COL24A1: variants seen among roughly 807,000 people sequenced by gnomAD.
COL24A1 encodes collagen type XXIV alpha 1 chain.
A neutral mutation model predicts 253.9 loss-of-function variants in COL24A1; 224 were observed. The ratio of observed to expected loss-of-function variants is 0.88; its 90% CI spans 0.79 to 0.99. The LOEUF (loss-of-function observed/expected upper bound fraction) is 0.99. COL24A1 is among the 50% of genes least tolerant of loss of function. COL24A1 has a pLI of 0.00. For synonymous variants in COL24A1, 685 were observed against 673.7 expected (o/e 1.02, Z -0.26); for missense variants, 2,131 against 2,068.5 (o/e 1.03, Z -0.59).
chr1:85,790,351 T>C (rs1448921491), intron 47 of COL24A1, among the ~76,000 whole-genome samples: 1 of 152,220 alleles, frequency 6.6e-6, no homozygotes, highest in Non-Finnish European at 1.5e-5. Context: ...GAGGTGTTTA[T>C]AGTATTCTCT....
intron 56 of COL24A1, 111 bp from the exon 57 acceptor site, chr1:85,744,945 G>A: frequency 1.3e-6 from 1 of 742,264 alleles, no homozygotes; most frequent in Non-Finnish European, 2.2e-6. Flanking sequence ...TGAGTAGAAT[G>A]TAAAGAACAG....
At chr1:86,060,794 A>C (rs1243101290) in intron 8 of COL24A1, among the ~76,000 whole-genome samples, 1 of 152,106 alleles carries the variant, frequency 6.6e-6, no homozygotes, top group East Asian at 1.9e-4. Context: ...TCTGAGGATT[A>C]CAGAAGAAAT....
chr1:85,905,852 T>C (rs1684765744), intron 28 of COL24A1, among the ~76,000 whole-genome samples: 1 of 152,090 alleles, frequency 6.6e-6, no homozygotes, highest in African/African-American at 2.4e-5. Flanking sequence ...AATTACTTAA[T>C]TAACAAAAGG....
At chr1:85,871,573 T>C (rs572819383) in intron 35 of COL24A1, among the ~76,000 whole-genome samples, 1 of 152,302 alleles carries the variant, frequency 6.6e-6, no homozygotes, top group South Asian at 2.1e-4. Flanking sequence ...ATCTAGCATA[T>C]AAACAGAACC....
intron 47 of COL24A1, among the ~76,000 whole-genome samples, chr1:85,815,080 C>T (rs1426459189): frequency 6.6e-6 from 1 of 152,254 alleles, no homozygotes; most frequent in East Asian, 1.9e-4. Context: ...ATGATTATAC[C>T]TGTGTATAGC....
chr1:85,832,691 G>A (rs1490061357), intron 43 of COL24A1, among the ~76,000 whole-genome samples: 1 of 151,116 alleles, frequency 6.6e-6, no homozygotes, highest in Non-Finnish European at 1.5e-5. Context: ...TGAAGCAATT[G>A]TGAATGGGAG....
chr1:85,809,102 T>C (rs546543242), intron 47 of COL24A1, among the ~76,000 whole-genome samples: 1 of 152,180 alleles, frequency 6.6e-6, no homozygotes, highest in Non-Finnish European at 1.5e-5. Context: ...TGATGTTATC[T>C]ATAGAAGCAA....
At chr1:86,089,648 G>A (rs1016415247) in intron 6 of COL24A1, among the ~76,000 whole-genome samples, 6 of 152,096 alleles carry the variant, frequency 3.9e-5, no homozygotes, top group South Asian at 2.1e-4. Context: ...GGTGAAACCC[G>A]TCTCTACTAA....
chr1:85,996,790 C>T (rs967879318), intron 19 of COL24A1, among the ~76,000 whole-genome samples: 2 of 151,970 alleles, frequency 1.3e-5, no homozygotes, highest in Admixed American at 1.3e-4. Flanking sequence ...AATGTATATT[C>T]TGGAGACTGT....
Position 86,022,936 on chromosome 1 carries a change from A to G in COL24A1, c.2103+18T>C, listed in dbSNP as rs1697685984. ...GACAGATTAAAGGGAAATATCCATTATACAAATAGAACCATACCATTGGGC... is the reference window on the plus strand; with the variant it reads ...GACAGATTAAAGGGAAATATCCATTGTACAAATAGAACCATACCATTGGGC... On this transcript the variant is annotated intron_variant, in intron 15 of 59. Coordinates refer to ENST00000370571, the MANE Select transcript of COL24A1 (RefSeq NM_152890.7). The G allele has an allele frequency of 1.2e-6, 2 of 1,613,118 alleles. No individual in the cohort carries two copies. Among genetic ancestry groups the G allele is most frequent in the Non-Finnish European group, 1.7e-6 (2 of 1,179,394 alleles).
intron 2 of COL24A1, among the ~76,000 whole-genome samples, chr1:86,128,668 T>C (rs1286092095): frequency 6.6e-6 from 1 of 151,990 alleles, no homozygotes; most frequent in Non-Finnish European, 1.5e-5. Context: ...GTGTTTTCAA[T>C]GTTTCTTTAT....
chr1:86,147,529 C>T (rs79449357), intron 1 of COL24A1, among the ~76,000 whole-genome samples: 1 of 152,108 alleles, frequency 6.6e-6, no homozygotes, highest in African/African-American at 2.4e-5. Context: ...CTAATGAGGC[C>T]TATGAAACAT....
chr1:86,003,541 T>C (rs1695637088), intron 19 of COL24A1, among the ~76,000 whole-genome samples: 1 of 152,128 alleles, frequency 6.6e-6, no homozygotes. Context: ...GCTTGATTTA[T>C]GGTTGGGTCA....
At chr1:86,137,894 T>G (rs1162789608) in intron 2 of COL24A1, among the ~76,000 whole-genome samples, 1 of 152,190 alleles carries the variant, frequency 6.6e-6, no homozygotes, top group Non-Finnish European at 1.5e-5. Context: ...GAACAATCTT[T>G]TCATAGTGTA....
chr1:85,871,185 C>G (rs1373240284), intron 35 of COL24A1, among the ~76,000 whole-genome samples: 1 of 152,032 alleles, frequency 6.6e-6, no homozygotes, highest in Admixed American at 6.6e-5. Flanking sequence ...ATAATAGGCT[C>G]TAAATTGAGT....
chr1:86,088,695 G>T (rs1405447742), intron 7 of COL24A1, among the ~76,000 whole-genome samples: 1 of 152,034 alleles, frequency 6.6e-6, no homozygotes, highest in Non-Finnish European at 1.5e-5. Flanking sequence ...TCAAGACAGA[G>T]ATTATTATTT....
At chr1:85,959,867 C>A (rs1325834679) in intron 24 of COL24A1, among the ~76,000 whole-genome samples, 1 of 152,068 alleles carries the variant, frequency 6.6e-6, no homozygotes, top group Non-Finnish European at 1.5e-5. Context: ...ACTTCGGATG[C>A]CAACTTTATA....
intron 32 of COL24A1, among the ~76,000 whole-genome samples, chr1:85,885,397 A>ATATTTTT (rs60994639): frequency 1.6e-5 from 2 of 128,900 alleles, no homozygotes; most frequent in African/African-American, 5.8e-5. Flanking sequence ...ATATATATAT[A>ATATTTTT]TTTTTTTTTT....
intron 43 of COL24A1, among the ~76,000 whole-genome samples, chr1:85,827,052 G>T (rs1336139638): frequency 6.6e-6 from 1 of 151,954 alleles, no homozygotes; most frequent in East Asian, 1.9e-4. Flanking sequence ...GTATGATATT[G>T]GCTGTGGGTT....
Sources: allele counts gnomAD v4.1 joint callset (sites outside exome capture counted in the v4.1 genomes callset), GRCh38; gene constraint gnomAD v4.1.1; transcripts MANE v1.5; gene names NCBI Gene and HGNC (gene_info 2026-07-23, HGNC 2026-07-21).